SLC41A3: variants seen among roughly 807,000 people sequenced by gnomAD.
SLC41A3 encodes the protein SLC41A1-like 2.
SLC41A3 carries 44 observed loss-of-function variants against 45.4 expected under a neutral mutation model. The observed-to-expected ratio is 0.97, with a 90% CI of 0.76 to 1.25. The LOEUF (loss-of-function observed/expected upper bound fraction) is 1.25. Among genes scored for constraint, SLC41A3 ranks in the 50% most tolerant of loss-of-function variants. The pLI is 0.00. For synonymous variants in SLC41A3, 256 were observed against 252.4 expected, an observed-to-expected ratio of 1.01 and a Z score of -0.13; for missense variants, 550 against 600.6, an observed-to-expected ratio of 0.92 and a Z score of 0.88.
intron 4 of SLC41A3, among the ~76,000 whole-genome samples, chr3:126,030,139 T>A (rs1387384159): frequency 7.5e-6 from 1 of 132,856 alleles, no homozygotes; most frequent in Non-Finnish European, 1.7e-5. Context: ...ATATGTATAA[T>A]ATATATTATA....
At chr3:126,018,770 C>G (rs1940559304) in intron 6 of SLC41A3, among the ~76,000 whole-genome samples, 1 of 152,206 alleles carries the variant, frequency 6.6e-6, no homozygotes, top group African/African-American at 2.4e-5. Context: ...ACTCAACCTC[C>G]TAGTACACCT....
chr3:126,036,591 G>A (rs1434664063), intron 3 of SLC41A3, among the ~76,000 whole-genome samples: 1 of 152,106 alleles, frequency 6.6e-6, no homozygotes, highest in Non-Finnish European at 1.5e-5. Context: ...CTGTGGGTGT[G>A]AGTCCTGGGG....
chr3:126,033,956 A>C (rs1941997620), intron 3 of SLC41A3, among the ~76,000 whole-genome samples: 1 of 151,908 alleles, frequency 6.6e-6, no homozygotes, highest in South Asian at 2.1e-4. Flanking sequence ...ACCTGCACAC[A>C]CACAGCGGTA....
upstream of SLC41A3, among the ~76,000 whole-genome samples, chr3:126,086,887 T>G (rs1004247518): frequency 6.6e-6 from 1 of 152,186 alleles, no homozygotes; most frequent in Non-Finnish European, 1.5e-5. Context: ...AGAGCTCTAA[T>G]TAGCTTAAGT....
At chr3:126,067,537 G>C (rs923803825) in intron 2 of SLC41A3, 1 of 434,382 alleles carries the variant, frequency 2.3e-6, no homozygotes, top group Non-Finnish European at 4.5e-6. Context: ...GAGGCCACAG[G>C]AGAAACCAAT....
At chr3:126,040,733 G>C (rs993553358) in intron 3 of SLC41A3, among the ~76,000 whole-genome samples, 2 of 152,212 alleles carry the variant, frequency 1.3e-5, no homozygotes, top group Non-Finnish European at 2.9e-5. Flanking sequence ...TACTGGCACA[G>C]TCTAGTCAAC....
intron 4 of SLC41A3, among the ~76,000 whole-genome samples, chr3:126,032,973 T>C (rs1941916161): frequency 6.6e-6 from 1 of 152,134 alleles, no homozygotes; most frequent in Non-Finnish European, 1.5e-5. Flanking sequence ...GAGCCAATCT[T>C]TTCCTCATCT....
At chr3:126,043,943 A>C (rs1312599819) in intron 3 of SLC41A3, among the ~76,000 whole-genome samples, 1 of 152,150 alleles carries the variant, frequency 6.6e-6, no homozygotes, top group Non-Finnish European at 1.5e-5. Context: ...ATCAGTAATT[A>C]CTTTCAATGT....
intron 3 of SLC41A3, among the ~76,000 whole-genome samples, chr3:126,048,921 T>A (rs1474043177): frequency 7.4e-5 from 11 of 147,666 alleles, no homozygotes; most frequent in African/African-American, 2.0e-4. Flanking sequence ...AAGACTGATT[T>A]AAAAAAAAAA....
chr3:126,088,910 A>G (rs1366460655), upstream of SLC41A3, among the ~76,000 whole-genome samples: 1 of 152,208 alleles, frequency 6.6e-6, no homozygotes, highest in Non-Finnish European at 1.5e-5. Context: ...TAATGAGTAT[A>G]TATGATCCAA....
intron 3 of SLC41A3, among the ~76,000 whole-genome samples, chr3:126,042,826 C>T (rs908272887): frequency 2.4e-4 from 36 of 151,952 alleles, no homozygotes; most frequent in African/African-American, 8.2e-4. Context: ...AATTTGAAAA[C>T]AGGTCATTTG....
chr3:126,080,565 G>C (rs1316800051), intron 1 of SLC41A3, among the ~76,000 whole-genome samples: 1 of 152,214 alleles, frequency 6.6e-6, no homozygotes, highest in Non-Finnish European at 1.5e-5. Flanking sequence ...ATGGACACTG[G>C]TAAGGATGTG....
chr3:126,065,429 T>C (rs562763370), intron 2 of SLC41A3, among the ~76,000 whole-genome samples: 1 of 152,360 alleles, frequency 6.6e-6, no homozygotes, highest in South Asian at 2.1e-4. Context: ...GCTTCCAGTT[T>C]TGAAATGTTT....
At chr3:126,033,146 G>A (rs1313486477) in intron 4 of SLC41A3, among the ~76,000 whole-genome samples, 1 of 152,178 alleles carries the variant, frequency 6.6e-6, no homozygotes, top group African/African-American at 2.4e-5. Context: ...GAAGGAGCAG[G>A]CAGAGAGGCA....
chr3:126,067,534 C>T (rs1201498310), intron 2 of SLC41A3: 1 of 429,326 alleles, frequency 2.3e-6, no homozygotes. Flanking sequence ...GGAGAGGCCA[C>T]AGGAGAAACC....
intron 2 of SLC41A3, among the ~76,000 whole-genome samples, chr3:126,052,849 C>T (rs1449515651): frequency 1.3e-5 from 2 of 152,216 alleles, no homozygotes; most frequent in African/African-American, 4.8e-5. Context: ...CACACCCTCT[C>T]CCTTCCGCAG....
At chr3:126,094,748 G>C (rs1044465271) in intron 1 of SLC41A3, among the ~76,000 whole-genome samples, 7 of 152,192 alleles carry the variant, frequency 4.6e-5, no homozygotes, top group Non-Finnish European at 8.8e-5. Flanking sequence ...TAATGGTAAA[G>C]CTTCTTATTC....
At chr3:126,067,645 C>A in intron 2 of SLC41A3, 1 of 502,248 alleles carries the variant, frequency 2.0e-6, no homozygotes, top group Admixed American at 2.5e-5. Flanking sequence ...TTTGTTATGG[C>A]AGCAGTAGTT....
chr3:126,052,759 C>T (rs1943416509), intron 2 of SLC41A3, among the ~76,000 whole-genome samples: 1 of 152,190 alleles, frequency 6.6e-6, no homozygotes. Flanking sequence ...CTATCCACCC[C>T]ATCTCGGCCC....
Sources: allele counts gnomAD v4.1 joint callset (sites outside exome capture counted in the v4.1 genomes callset), GRCh38; gene constraint gnomAD v4.1.1; transcripts MANE v1.5; gene names NCBI Gene and HGNC (gene_info 2026-07-23, HGNC 2026-07-21).